Variants in ERBB4 observed in about 807,000 individuals in gnomAD.
ERBB4 encodes erb-b2 receptor tyrosine kinase 4, also known as receptor tyrosine-protein kinase erbB-4.
ERBB4 carries 42 observed loss-of-function variants against 158.0 expected under a neutral mutation model. That is an observed-to-expected ratio of 0.27 (90% CI 0.21 to 0.34). The LOEUF is 0.34. ERBB4 is among the 10% of genes least tolerant of loss of function. The pLI, the probability that ERBB4 is intolerant of heterozygous loss-of-function variation, is 1.00. For missense variants in ERBB4, 1,333 were observed against 1,624.1 expected (o/e 0.82, Z 3.08); for synonymous variants, 583 against 558.7 (o/e 1.04, Z -0.61).
At chr2:211,525,835 T>TGACC (rs1188181300) in intron 20 of ERBB4, among the ~76,000 whole-genome samples, 3 of 152,016 alleles carry the variant, frequency 2.0e-5, no homozygotes, top group African/African-American at 7.2e-5. Flanking sequence ...GTAGTGGTGG[T>TGACC]GACCACAGGG....
At chr2:211,445,853 C>G (rs969034422) in intron 20 of ERBB4, among the ~76,000 whole-genome samples, 1 of 152,028 alleles carries the variant, frequency 6.6e-6, no homozygotes, top group Non-Finnish European at 1.5e-5. Flanking sequence ...TTATATGATG[C>G]ATGAGAGGAG....
intron 13 of ERBB4, among the ~76,000 whole-genome samples, chr2:211,676,208 C>T (rs2105948201): frequency 6.6e-6 from 1 of 152,224 alleles, no homozygotes; most frequent in Non-Finnish European, 1.5e-5. Flanking sequence ...GTGGGCAATC[C>T]ATCACTGGGC....
chr2:212,028,295 A>T (rs977986828), intron 2 of ERBB4, among the ~76,000 whole-genome samples: 1 of 152,070 alleles, frequency 6.6e-6, no homozygotes, highest in African/African-American at 2.4e-5. Flanking sequence ...AACCTTCAAA[A>T]ATATGTCTAC....
intron 19 of ERBB4, among the ~76,000 whole-genome samples, chr2:211,605,906 A>C (rs1479095859): frequency 1.3e-5 from 2 of 152,034 alleles, no homozygotes; most frequent in Non-Finnish European, 2.9e-5. Flanking sequence ...AATTTAGACC[A>C]AGATCTTTTA....
chr2:211,670,352 T>C (rs1390090884), intron 14 of ERBB4, among the ~76,000 whole-genome samples: 3 of 152,204 alleles, frequency 2.0e-5, no homozygotes, highest in Admixed American at 1.3e-4. Flanking sequence ...TGTCGTGTTC[T>C]TACCTGCTTA....
intron 15 of ERBB4, among the ~76,000 whole-genome samples, chr2:211,663,189 C>A (rs2071498130): frequency 6.6e-6 from 1 of 152,144 alleles, no homozygotes. Flanking sequence ...GGAATCACAT[C>A]CTTCAGGAAT....
chr2:212,056,552 G>A (rs911623228), intron 2 of ERBB4, among the ~76,000 whole-genome samples: 3 of 152,178 alleles, frequency 2.0e-5, no homozygotes, highest in Admixed American at 2.0e-4. Context: ...CCCATAAAGG[G>A]AAGCCCATCA....
At chr2:212,060,990 T>A (rs1559416118) in intron 2 of ERBB4, among the ~76,000 whole-genome samples, 2 of 147,764 alleles carry the variant, frequency 1.4e-5, no homozygotes, top group South Asian at 2.1e-4. Context: ...AATAAATAAA[T>A]AAAATAAAAA....
At chr2:212,206,278 T>A (rs781648320) in intron 1 of ERBB4, among the ~76,000 whole-genome samples, 6 of 152,128 alleles carry the variant, frequency 3.9e-5, no homozygotes, top group Non-Finnish European at 8.8e-5. Flanking sequence ...AAATCATGTT[T>A]GAAAAAGTGA....
intron 1 of ERBB4, among the ~76,000 whole-genome samples, chr2:212,306,057 G>T (rs1178385698): frequency 2.0e-5 from 3 of 151,266 alleles, no homozygotes; most frequent in African/African-American, 4.8e-5. Flanking sequence ...TATTATATTC[G>T]AACATGCACA....
intron 2 of ERBB4, among the ~76,000 whole-genome samples, chr2:212,003,212 A>AGAAAGAAGGAAG (rs2076173198): frequency 2.5e-5 from 1 of 40,484 alleles, no homozygotes; most frequent in African/African-American, 6.4e-5. Context: ...AAAGACAGAA[A>AGAAAGAAGGAAG]GAAGGAAGGA....
intron 12 of ERBB4, among the ~76,000 whole-genome samples, chr2:211,683,394 TA>T (rs2072435463): frequency 6.6e-6 from 1 of 152,180 alleles, no homozygotes; most frequent in Non-Finnish European, 1.5e-5. Context: ...TCCATTACTA[TA>T]ATTTGGTAAT....
chr2:212,382,274 A>G (rs2090529123), intron 1 of ERBB4, among the ~76,000 whole-genome samples: 1 of 150,020 alleles, frequency 6.7e-6, no homozygotes, highest in South Asian at 2.1e-4. Context: ...TACTATACAC[A>G]TATATTCATA....
intron 1 of ERBB4, among the ~76,000 whole-genome samples, chr2:212,183,064 A>C (rs1258214982): frequency 6.6e-6 from 1 of 151,804 alleles, no homozygotes; most frequent in Non-Finnish European, 1.5e-5. Context: ...TCTGCTATAA[A>C]ATTTAAATAA....
chr2:212,509,034 G>A (rs574960275), intron 1 of ERBB4, among the ~76,000 whole-genome samples: 24 of 151,938 alleles, frequency 1.6e-4, no homozygotes, highest in South Asian at 4.2e-4. Context: ...ACACCTTTCC[G>A]TACATGCTGA....
chr2:211,577,646 G>A (rs776494929), intron 19 of ERBB4, among the ~76,000 whole-genome samples: 1 of 152,060 alleles, frequency 6.6e-6, no homozygotes, highest in East Asian at 1.9e-4. Context: ...GGGATTCAAG[G>A]CTGGTTCAAC....
intron 3 of ERBB4, among the ~76,000 whole-genome samples, chr2:211,874,100 G>T (rs1458980259): frequency 6.6e-6 from 1 of 152,058 alleles, no homozygotes; most frequent in Non-Finnish European, 1.5e-5. Flanking sequence ...GGGAGACTGA[G>T]TCTGCAATGA....
intron 3 of ERBB4, among the ~76,000 whole-genome samples, chr2:211,813,965 A>G (rs912104750): frequency 2.0e-5 from 3 of 152,150 alleles, no homozygotes; most frequent in Admixed American, 6.5e-5. Context: ...CAAATATTGA[A>G]AATTGCAAAA....
chr2:211,841,532 A>T (rs557326969), intron 3 of ERBB4, among the ~76,000 whole-genome samples: 17 of 152,140 alleles, frequency 1.1e-4, no homozygotes, highest in African/African-American at 3.8e-4. Flanking sequence ...TGTGGCATTA[A>T]GGTAAGGTAT....
Sources: allele counts gnomAD v4.1 joint callset (sites outside exome capture counted in the v4.1 genomes callset), GRCh38; gene constraint gnomAD v4.1.1; transcripts MANE v1.5; gene names NCBI Gene and HGNC (gene_info 2026-07-23, HGNC 2026-07-21).